The following TGFBR1 variants were observed in gnomAD, a reference collection of about 807,000 sequenced individuals.
TGFBR1 encodes the protein transforming growth factor beta receptor 1, also known as TGF-beta receptor type-1.
A neutral mutation model predicts 55.1 loss-of-function variants in TGFBR1; 20 were observed. The observed-to-expected ratio is 0.36, with a 90% CI of 0.26 to 0.53. The LOEUF (loss-of-function observed/expected upper bound fraction) is 0.53. TGFBR1 is among the 20% of genes least tolerant of loss of function. TGFBR1 has a pLI of 0.91. For synonymous variants in TGFBR1, 220 were observed against 214.8 expected, an observed-to-expected ratio of 1.02 and a Z score of -0.21; for missense variants, 385 against 617.6, an observed-to-expected ratio of 0.62 and a Z score of 3.99.
intron 4 of TGFBR1, 146 bp from the exon 5 acceptor site, chr9:99,142,390 A>T: frequency 1.2e-6 from 1 of 844,140 alleles, no homozygotes; most frequent in Non-Finnish European, 1.9e-6. Flanking sequence ...CAAACAATGT[A>T]GAAGAAAATG....
At chr9:99,148,831 C>CA (rs71899356) in intron 8 of TGFBR1, among the ~76,000 whole-genome samples, 165 of 99,608 alleles carry the variant, frequency 1.7e-3, no homozygotes, top group African/African-American at 3.4e-3. Context: ...GACCCTGTCT[C>CA]AAAAAAAAAA....
At chr9:99,137,795 A>G in intron 3 of TGFBR1, 64 bp from the exon 4 acceptor site, 1 of 1,384,024 alleles carries the variant, frequency 7.2e-7, no homozygotes, top group Non-Finnish European at 1.0e-6. Flanking sequence ...ATTAGTGCCT[A>G]TCATGATGTT....
chr9:99,134,953 C>T (rs1235712792), intron 3 of TGFBR1, among the ~76,000 whole-genome samples: 1 of 150,836 alleles, frequency 6.6e-6, no homozygotes, highest in Non-Finnish European at 1.5e-5. Flanking sequence ...TGCTTGCTAG[C>T]TCTGTGGCTT....
At chr9:99,113,954 G>T (rs1826657951) in intron 1 of TGFBR1, among the ~76,000 whole-genome samples, 1 of 152,136 alleles carries the variant, frequency 6.6e-6, no homozygotes, top group Admixed American at 6.5e-5. Flanking sequence ...TAGGAGGTCG[G>T]ACTTGTTTAT....
intron 5 of TGFBR1, among the ~76,000 whole-genome samples, chr9:99,143,620 GTTA>G (rs534735743): frequency 2.2e-4 from 33 of 152,192 alleles, no homozygotes; most frequent in African/African-American, 7.7e-4. Context: ...CATCTTTGTA[GTTA>G]TTATTATTAT....
intron 4 of TGFBR1, among the ~76,000 whole-genome samples, chr9:99,139,065 G>T (rs1287843219): frequency 2.0e-5 from 3 of 151,936 alleles, no homozygotes. Context: ...CAAAGTGCTG[G>T]GATTACAGGC....
Position 99,105,449 on chromosome 9 carries a change from C to A in TGFBR1, c.97+147C>A, listed in dbSNP as rs1450547213. ...CCCGGGCCGGGCTCTCGTGGCGCCG[C>A]GCGGCTCGGCGGCTGCCGGGCGAAC... On this transcript the variant is annotated intron_variant, in intron 1 of 8. Transcript: ENST00000374994. The A allele has an allele frequency of 3.4e-5, 24 of 702,632 alleles. No individual in the cohort carries two copies. The South Asian group carries it at 1.2e-3, about 35-fold the overall frequency. The allele number at this position is 702,632 out of a possible 1,614,324, so 43.5% of individuals were successfully genotyped here.
intron 5 of TGFBR1, among the ~76,000 whole-genome samples, 161 bp downstream of exon 5, chr9:99,142,864 G>T (rs749921376): frequency 1.3e-5 from 2 of 152,160 alleles, no homozygotes; most frequent in Non-Finnish European, 2.9e-5. Flanking sequence ...TTCATGGCCA[G>T]CCTGGGCAAC....
At position 99,150,955 on chromosome 9, in the gene TGFBR1, T is replaced by A. The variant is rs1238746145; in HGVS notation, c.*1650T>A. The A allele has an allele frequency of 4.4e-6, 1 of 226,158 alleles. No homozygotes were observed. Among genetic ancestry groups the A allele is most frequent in the Non-Finnish European group, 8.8e-6 (1 of 113,368 alleles). The allele number at this position is 226,158 out of a possible 1,614,324, so 14.0% of individuals were successfully genotyped here. A position where few individuals can be genotyped will look rare whatever the true frequency, so the allele number is the denominator to read the frequency against. On this transcript the variant is annotated 3_prime_UTR_variant, in exon 9 of 9. Transcript: ENST00000374994. ...CTTATTCTGAGGGGAGAAAAAACTA[T>A]CATAGCTCTGAGGCAAGACTTCGAC...
intron 1 of TGFBR1, among the ~76,000 whole-genome samples, chr9:99,109,637 T>C (rs1343155288): frequency 1.3e-5 from 2 of 152,246 alleles, no homozygotes; most frequent in African/African-American, 4.8e-5. Context: ...AACGTGTCTC[T>C]TCAAACCACA....
intron 2 of TGFBR1, among the ~76,000 whole-genome samples, chr9:99,132,100 A>G (rs539822886): frequency 7.0e-4 from 106 of 150,768 alleles, no homozygotes; most frequent in African/African-American, 2.4e-3. Flanking sequence ...TTTTCTTGCT[A>G]TGAGCATGTA....
chr9:99,111,828 A>G (rs1352934781), intron 1 of TGFBR1, among the ~76,000 whole-genome samples: 1 of 152,176 alleles, frequency 6.6e-6, no homozygotes, highest in Non-Finnish European at 1.5e-5. Context: ...GAAATATAGG[A>G]AAAGTAAGAG....
At chr9:99,111,139 G>A (rs1033834168) in intron 1 of TGFBR1, among the ~76,000 whole-genome samples, 13 of 152,014 alleles carry the variant, frequency 8.6e-5, no homozygotes, top group African/African-American at 3.1e-4. Context: ...TCCAGTGATA[G>A]TTGATCACTT....
intron 1 of TGFBR1, among the ~76,000 whole-genome samples, chr9:99,106,335 A>G (rs1291450464): frequency 6.6e-6 from 1 of 152,228 alleles, no homozygotes; most frequent in Admixed American, 6.5e-5. Context: ...TAGCAGCTGA[A>G]CTGAGACACT....
intron 1 of TGFBR1, chr9:99,128,579 TAAC>T: frequency 2.0e-6 from 1 of 508,880 alleles, no homozygotes; most frequent in Non-Finnish European, 3.6e-6. Context: ...AAATTGAACA[TAAC>T]AAAATTTTTC....
intron 1 of TGFBR1, chr9:99,128,013 T>C: frequency 2.2e-6 from 1 of 456,046 alleles, no homozygotes; most frequent in Non-Finnish European, 4.4e-6. Flanking sequence ...GTAAGCAGTA[T>C]GTGTTTTGGA....
chr9:99,146,934 A>G (rs1208745233), intron 7 of TGFBR1, among the ~76,000 whole-genome samples: 1 of 152,282 alleles, frequency 6.6e-6, no homozygotes, highest in East Asian at 1.9e-4. Context: ...TGTTTCTAGC[A>G]TGTACCTGGG....
chr9:99,142,411 A>G lies in TGFBR1; in HGVS notation c.806-125A>G, dbSNP rs1335871554. On this transcript the variant is annotated intron_variant, in intron 4 of 8. Transcript: ENST00000374994. Reference sequence around the variant, plus strand: ...ATGTAGAAGAAAATGTGAAGGAAATACAGACTTAAGGTGGCATTATATTGC... The same window carrying G: ...ATGTAGAAGAAAATGTGAAGGAAATGCAGACTTAAGGTGGCATTATATTGC... The G allele has an allele frequency of 2.6e-5, 26 of 1,008,926 alleles. No individual in the cohort carries two copies. In the Admixed American group the frequency reaches 3.6e-4, roughly 14 times the overall value. The allele number at this position is 1,008,926 out of a possible 1,614,324, so 62.5% of individuals were successfully genotyped here.
At position 99,152,855 on chromosome 9, in the gene TGFBR1, G is replaced by A. The variant is rs1438753614; in HGVS notation, c.*3550G>A. On this transcript the variant is annotated 3_prime_UTR_variant, in exon 9 of 9. Transcript: ENST00000374994. ...TTTTGGATTACTGGAATACCCATGG[G>A]CCCTCTCAAGAGTGCTGGACTTCTA... The A allele has an allele frequency of 4.3e-6, 1 of 231,462 alleles. No homozygotes were observed. The highest frequency in any genetic ancestry group is 1.8e-4 in the South Asian group (1 of 5,510). The allele number at this position is 231,462 out of a possible 1,614,324, so 14.3% of individuals were successfully genotyped here.
Sources: allele counts gnomAD v4.1 joint callset (sites outside exome capture counted in the v4.1 genomes callset), GRCh38; gene constraint gnomAD v4.1.1; transcripts MANE v1.5; gene names NCBI Gene and HGNC (gene_info 2026-07-23, HGNC 2026-07-21).